Variants in FAM120A observed in about 807,000 individuals in gnomAD.
FAM120A encodes constitutive coactivator of PPAR-gamma-like protein 1.
In FAM120A, 15 loss-of-function variants were observed where a neutral mutation model predicts 109.7. That is an observed-to-expected ratio of 0.14 (90% CI 0.09 to 0.21). The LOEUF (loss-of-function observed/expected upper bound fraction) is 0.21. Ranked by LOEUF, FAM120A falls within the 10% of genes least tolerant of loss-of-function variation. The pLI is 1.00. For synonymous variants in FAM120A, 493 were observed against 572.8 expected, an observed-to-expected ratio of 0.86 and a Z score of 1.99; for missense variants, 899 against 1,439.3, an observed-to-expected ratio of 0.62 and a Z score of 6.07.
At chr9:93,473,022 A>AT (rs111931341) in intron 2 of FAM120A, among the ~76,000 whole-genome samples, 26,907 of 146,422 alleles carry the variant, frequency 0.18, 3,008 homozygotes, top group African/African-American at 0.33. Flanking sequence ...TCTTTGGACA[A>AT]TTTTTTTTTT....
intron 7 of FAM120A, among the ~76,000 whole-genome samples, chr9:93,525,560 G>A (rs1484005656): frequency 1.3e-5 from 2 of 152,216 alleles, no homozygotes; most frequent in African/African-American, 2.4e-5. Flanking sequence ...TTGTGCCAAT[G>A]TTGCCATGTA....
chr9:93,497,463 T>G lies in FAM120A; in HGVS notation c.805-8T>G. 1.9e-6 allele frequency: 3 copies of G among 1,612,040 alleles called. No individual in the cohort carries two copies. The highest frequency in any genetic ancestry group is 2.5e-6 in the Non-Finnish European group (3 of 1,179,336). ...ATCCACTGTTGACACTTACGTTTGT[T>G]TTCTCAGGTCCGGGCCCACCAGCTG... is the stretch of plus-strand genomic sequence containing the variant. On this transcript the variant is annotated splice_polypyrimidine_tract_variant and splice_region_variant and intron_variant, in intron 3 of 17. Transcript: ENST00000277165.
At chr9:93,561,652 TGC>T (rs1169770188) in intron 16 of FAM120A, among the ~76,000 whole-genome samples, 3 of 152,140 alleles carry the variant, frequency 2.0e-5, no homozygotes, top group Non-Finnish European at 4.4e-5. Context: ...ACCTCGGCCT[TGC>T]AAAGTGCTGG....
intron 5 of FAM120A, among the ~76,000 whole-genome samples, chr9:93,511,844 G>A (rs1398142210): frequency 1.3e-5 from 2 of 152,250 alleles, no homozygotes; most frequent in Non-Finnish European, 1.5e-5. Context: ...CCAGGCCAGA[G>A]TGCAGTGGCA....
chr9:93,474,542 T>G (rs1858463243), intron 2 of FAM120A, among the ~76,000 whole-genome samples: 1 of 152,318 alleles, frequency 6.6e-6, no homozygotes, highest in East Asian at 1.9e-4. Context: ...TGGAGTTGCC[T>G]TAATATTATT....
chr9:93,548,145 G>C (rs777514195), intron 11 of FAM120A, among the ~76,000 whole-genome samples: 13 of 151,926 alleles, frequency 8.6e-5, no homozygotes, highest in Non-Finnish European at 1.5e-4. Flanking sequence ...TTGCTCTGTT[G>C]CCCAGGCTGG....
chr9:93,466,120 C>T (rs181436496), intron 1 of FAM120A, among the ~76,000 whole-genome samples: 12 of 152,164 alleles, frequency 7.9e-5, no homozygotes, highest in Admixed American at 7.9e-4. Context: ...GACCAGTTTT[C>T]CTTTCGCTTA....
chr9:93,532,475 C>T lies in FAM120A; in HGVS notation c.1909+146C>T. On this transcript the variant is annotated intron_variant, in intron 10 of 17. Coordinates refer to ENST00000277165, the MANE Select transcript of FAM120A (RefSeq NM_014612.5). This position sits in a 1 kb window ranked among gnomAD's most constrained non-coding sequence, Gnocchi z 4.3. ...TGGGCCCATCATCGGGGCAGTAGGC[C>T]AGGGTAAAGGCTCTTAGAAAAGGAG... The T allele has an allele frequency of 1.3e-6, 1 of 768,326 alleles. No homozygotes were observed. The highest frequency in any genetic ancestry group is 2.2e-6 in the Non-Finnish European group (1 of 458,120). 47.6% of individuals were successfully genotyped at this position (768,326 alleles called of 1,614,324 possible).
intron 3 of FAM120A, among the ~76,000 whole-genome samples, chr9:93,481,672 C>G (rs1858813869): frequency 6.6e-6 from 1 of 152,200 alleles, no homozygotes; most frequent in African/African-American, 2.4e-5. Context: ...TGGGACACCC[C>G]AGCTTGCAGA....
rs1024317385 is a variant in FAM120A at position 93,454,030 on chromosome 9, A to G, written c.474+1641A>G. Among the ~76,000 whole-genome samples the G allele has an allele frequency of 4.6e-5, 7 of 152,154 alleles. No homozygotes were observed. In the East Asian group the frequency reaches 1.2e-3, roughly 25 times the overall value. Reference sequence around the variant, plus strand: ...TCACTGTATCTTTAAAGAACTGTTGAGTTCTTTTTAATTCTACAGTTTCTT... The same window carrying G: ...TCACTGTATCTTTAAAGAACTGTTGGGTTCTTTTTAATTCTACAGTTTCTT... On this transcript the variant is annotated intron_variant, in intron 1 of 17. Coordinates refer to ENST00000277165, the MANE Select transcript of FAM120A (RefSeq NM_014612.5).
chr9:93,564,063 G>A (rs758888432), intron 17 of FAM120A, among the ~76,000 whole-genome samples, 166 bp from the exon 18 acceptor site: 1 of 145,854 alleles, frequency 6.9e-6, no homozygotes, highest in Non-Finnish European at 1.5e-5. Context: ...GAGACAGGTA[G>A]AGCATCTACC....
chr9:93,466,671 T>C (rs531720806), intron 1 of FAM120A, among the ~76,000 whole-genome samples: 1 of 152,132 alleles, frequency 6.6e-6, no homozygotes, highest in Admixed American at 6.5e-5. Flanking sequence ...TGGGGGTCCG[T>C]GTAAGGAGAT....
intron 1 of FAM120A, among the ~76,000 whole-genome samples, chr9:93,463,000 C>T (rs1226484846): frequency 6.6e-6 from 1 of 151,970 alleles, no homozygotes; most frequent in Non-Finnish European, 1.5e-5. Context: ...ATGAATGTAC[C>T]GACATCTCTT....
At chr9:93,537,886 C>T (rs1403782828) in intron 10 of FAM120A, among the ~76,000 whole-genome samples, 1 of 152,130 alleles carries the variant, frequency 6.6e-6, no homozygotes, top group Admixed American at 6.5e-5. Flanking sequence ...CTTTATTCTA[C>T]AGAGCTTTCT....
At chr9:93,528,569 ACTCTTTCCTGTGTATGTCCATAC>A (rs1861184871) in intron 8 of FAM120A, among the ~76,000 whole-genome samples, 1 of 151,346 alleles carries the variant, frequency 6.6e-6, no homozygotes, top group Non-Finnish European at 1.5e-5. Flanking sequence ...TGGGGACCAG[ACTCTTTCCTGTGTATGTCCATAC>A]ACTCCATGTT....
intron 15 of FAM120A, 42 bp from the exon 16 acceptor site, chr9:93,561,067 G>C: frequency 6.2e-7 from 1 of 1,604,028 alleles, no homozygotes; most frequent in Non-Finnish European, 8.5e-7. Flanking sequence ...TCTTAATTCT[G>C]TGATTGTAAA....
intron 3 of FAM120A, among the ~76,000 whole-genome samples, chr9:93,484,347 G>A (rs1244396698): frequency 6.6e-6 from 1 of 151,954 alleles, no homozygotes; most frequent in African/African-American, 2.4e-5. Flanking sequence ...CTCCTCCCAT[G>A]GAGTGAGTGG....
intron 1 of FAM120A, among the ~76,000 whole-genome samples, chr9:93,462,426 C>T (rs7035026): frequency 0.032 from 4,875 of 152,168 alleles, 120 homozygotes; most frequent in African/African-American, 0.057. Context: ...TACAGGCGTG[C>T]GCCTGCCACC....
At position 93,532,735 on chromosome 9, in the gene FAM120A, C is replaced by T. The variant is rs148732344; in HGVS notation, c.1909+406C>T. The T allele has an allele frequency of 3.0e-5, 6 of 202,886 alleles. No individual in the cohort carries two copies. Among genetic ancestry groups the T allele is most frequent in the African/African-American group, 1.2e-4 (5 of 42,736 alleles). The allele number at this position is 202,886 out of a possible 1,614,324, so 12.6% of individuals were successfully genotyped here. A position where few individuals can be genotyped will look rare whatever the true frequency, so the allele number is the denominator to read the frequency against. On this transcript the variant is annotated intron_variant, in intron 10 of 17. Coordinates refer to ENST00000277165, the MANE Select transcript of FAM120A (RefSeq NM_014612.5). This position sits in a 1 kb window ranked among gnomAD's most constrained non-coding sequence, Gnocchi z 4.3. Reference sequence around the variant, plus strand: ...AGGCCAGGGTCCTGGAGAAAACTTCCAGCAGGTCTCTGGTTGGCCATGTTT... The same window carrying T: ...AGGCCAGGGTCCTGGAGAAAACTTCTAGCAGGTCTCTGGTTGGCCATGTTT...
Sources: allele counts gnomAD v4.1 joint callset (sites outside exome capture counted in the v4.1 genomes callset), GRCh38; gene constraint gnomAD v4.1.1; non-coding constraint Gnocchi (gnomAD v3.1); transcripts MANE v1.5; gene names NCBI Gene and HGNC (gene_info 2026-07-23, HGNC 2026-07-21).